Variants in EXT2 observed in about 807,000 individuals in gnomAD.
The protein encoded by EXT2 is exostosin-2.
EXT2 carries 53 observed loss-of-function variants against 81.6 expected under a neutral mutation model. That is an observed-to-expected ratio of 0.65 (90% confidence interval 0.52 to 0.82). EXT2 has a LOEUF of 0.82. EXT2 is among the 40% of genes least tolerant of loss of function. The pLI, the probability that EXT2 is intolerant of heterozygous loss-of-function variation, is 0.00. For synonymous variants in EXT2, 320 were observed against 340.0 expected, an observed-to-expected ratio of 0.94 and a Z score of 0.65; for missense variants, 774 against 910.2, an observed-to-expected ratio of 0.85 and a Z score of 1.93.
Position 44,240,261 on chromosome 11 carries a change from AAG to A in EXT2, c.2019-3885_2019-3884del, listed in dbSNP as rs1171375179. Among the ~76,000 whole-genome samples, 15 of 152,344 alleles carry A rather than the reference AAG, an allele frequency of 9.8e-5. 1 individual carries two copies. The South Asian group carries it at 1.9e-3, about 19-fold the overall frequency. Reference sequence around the variant, plus strand: ...GAAATTCTGGCATTTAGGAGACACAAAGAGTAACTGAAAACAGAGAGGCAACC... The same window carrying A: ...GAAATTCTGGCATTTAGGAGACACAAAGTAACTGAAAACAGAGAGGCAACC... On this transcript the variant is annotated intron_variant, in intron 13 of 13. Coordinates refer to ENST00000533608, the MANE Select transcript of EXT2 (RefSeq NM_207122.2).
chr11:44,147,127 C>G (rs748359243), intron 7 of EXT2, among the ~76,000 whole-genome samples: 9 of 152,178 alleles, frequency 5.9e-5, no homozygotes, highest in Non-Finnish European at 1.2e-4. Flanking sequence ...TAGATCAACC[C>G]GCCCCAGCAC....
intron 10 of EXT2, among the ~76,000 whole-genome samples, chr11:44,210,444 C>A (rs1955634381): frequency 6.6e-6 from 1 of 152,188 alleles, no homozygotes; most frequent in Admixed American, 6.5e-5. Flanking sequence ...CTGGAAAGTA[C>A]AAACTAACCC....
At position 44,197,832 on chromosome 11, in the gene EXT2, TG is replaced by T; in HGVS notation, c.1313del (p.Gly438AlafsTer3). The part of the protein sequence containing the change: ...EEWNDPPAVK[W>X]GSVSNPLFLP... ...GTGTTAATCTGTCCTCTTGTAGAAG[TG>T]GGGCAGCGTGAGCAATCCACTCTTC... On this transcript the variant is annotated frameshift_variant, in exon 9 of 14. Coordinates refer to ENST00000533608, the MANE Select transcript of EXT2 (RefSeq NM_207122.2). LOFTEE classifies it high-confidence loss of function. The T allele has an allele frequency of 6.2e-7, 1 of 1,613,964 alleles. No homozygotes were observed. The highest frequency in any genetic ancestry group is 8.5e-7 in the Non-Finnish European group (1 of 1,179,934).
intron 1 of EXT2, chr11:44,096,288 G>T (rs1302789762): frequency 2.6e-6 from 4 of 1,535,948 alleles, no homozygotes; most frequent in South Asian, 1.2e-5. Context: ...GTGGCCTGCG[G>T]CATCCCTTGC....
At chr11:44,164,026 T>C (rs1422512430) in intron 7 of EXT2, among the ~76,000 whole-genome samples, 1 of 152,190 alleles carries the variant, frequency 6.6e-6, no homozygotes, top group East Asian at 1.9e-4. Flanking sequence ...TACTCTGTTT[T>C]AGATTTTTCC....
chr11:44,095,947 G>T, intron 1 of EXT2, 95 bp downstream of exon 1: 1 of 411,664 alleles, frequency 2.4e-6, no homozygotes, highest in Non-Finnish European at 4.6e-6. Context: ...AGGGCCGAGG[G>T]AGCGCGGCCG....
chr11:44,207,515 A>G (rs1423219358), intron 10 of EXT2, among the ~76,000 whole-genome samples: 1 of 152,200 alleles, frequency 6.6e-6, no homozygotes, highest in African/African-American at 2.4e-5. Context: ...CCCAGGGGAA[A>G]GTGCCAGAGT....
rs548092616 is a variant in EXT2, at chr11:44,099,241, A to G, written c.-31+3389A>G. Among the ~76,000 whole-genome samples, 6 of 152,180 alleles carry G rather than the reference A, an allele frequency of 3.9e-5. No individual in the cohort carries two copies. In the South Asian group the frequency reaches 1.2e-3, roughly 32 times the overall value. On this transcript the variant is annotated intron_variant, in intron 1 of 13. Coordinates refer to ENST00000533608, the MANE Select transcript of EXT2 (RefSeq NM_207122.2). ...CGCACTTTCATCCAGGCTAGACTGC[A>G]GTGGCGCGATCTCGGTTCACTGCAA...
At chr11:44,232,039 G>T (rs1453614671) in intron 10 of EXT2, among the ~76,000 whole-genome samples, 1 of 152,124 alleles carries the variant, frequency 6.6e-6, no homozygotes, top group African/African-American at 2.4e-5. Flanking sequence ...ATTAAGAATG[G>T]AACCTATTTC....
intron 10 of EXT2, among the ~76,000 whole-genome samples, chr11:44,218,070 G>T (rs1955740166): frequency 6.6e-6 from 1 of 152,090 alleles, no homozygotes; most frequent in Non-Finnish European, 1.5e-5. Context: ...TTACAACCTG[G>T]GCATCTTGTA....
At chr11:44,117,157 C>T (rs187265257) in intron 4 of EXT2, among the ~76,000 whole-genome samples, 23 of 152,090 alleles carry the variant, frequency 1.5e-4, no homozygotes, top group African/African-American at 5.1e-4. Context: ...TTTGCAGAGA[C>T]GGGGTTTCTC....
intron 9 of EXT2, among the ~76,000 whole-genome samples, chr11:44,198,585 G>A (rs1275218339): frequency 1.3e-5 from 2 of 152,130 alleles, no homozygotes; most frequent in East Asian, 3.8e-4. Context: ...TTGATTCATT[G>A]GATTTGTTTT....
At chr11:44,202,186 A>G (rs1955529835) in intron 9 of EXT2, among the ~76,000 whole-genome samples, 1 of 152,164 alleles carries the variant, frequency 6.6e-6, no homozygotes, top group Non-Finnish European at 1.5e-5. Flanking sequence ...CTGGGTCTTC[A>G]TTGTTCTCTA....
chr11:44,168,210 AT>A (rs1389513003), intron 7 of EXT2, among the ~76,000 whole-genome samples: 1 of 98,130 alleles, frequency 1.0e-5, no homozygotes, highest in Non-Finnish European at 2.5e-5. Flanking sequence ...AATTTAATAC[AT>A]GGGTTTAATA....
At chr11:44,113,986 G>A (rs1045613949) in intron 3 of EXT2, among the ~76,000 whole-genome samples, 199 bp from the exon 4 acceptor site, 1 of 152,038 alleles carries the variant, frequency 6.6e-6, no homozygotes, top group African/African-American at 2.4e-5. Flanking sequence ...GACCCCGGGG[G>A]AAGGCTGGTG....
At chr11:44,127,086 A>G (rs1354951596) in intron 6 of EXT2, 131 bp downstream of exon 6, 1 of 1,242,678 alleles carries the variant, frequency 8.0e-7, no homozygotes, top group Non-Finnish European at 1.2e-6. Context: ...ATTTTCCATT[A>G]GGAGAGTTAG....
chr11:44,249,959 A>G lies in EXT2; in HGVS notation c.*5672A>G, dbSNP rs1021869856. On this transcript the variant is annotated 3_prime_UTR_variant, in exon 14 of 14. Transcript: ENST00000533608. ...GTGGCAGGCACCTGTAGCCCCAGCTACTCGGGAGGCTGAGGCAGGAGAATG... is the reference window on the plus strand; with the variant it reads ...GTGGCAGGCACCTGTAGCCCCAGCTGCTCGGGAGGCTGAGGCAGGAGAATG... Among the ~76,000 whole-genome samples, 1 of 152,158 alleles carries G rather than the reference A, an allele frequency of 6.6e-6. No homozygotes were observed. Among genetic ancestry groups the G allele is most frequent in the Admixed American group, 6.5e-5 (1 of 15,274 alleles).
intron 10 of EXT2, among the ~76,000 whole-genome samples, chr11:44,214,124 CTT>C (rs555767259): frequency 7.5e-6 from 1 of 133,468 alleles, no homozygotes; most frequent in Non-Finnish European, 1.7e-5. Context: ...TCTTCTTCTT[CTT>C]TTTTTTTGAG....
chr11:44,168,185 A>G lies in EXT2; in HGVS notation c.1174-3426A>G, dbSNP rs182640797. Among the ~76,000 whole-genome samples the G allele has an allele frequency of 4.6e-3, 690 of 148,742 alleles. 4 individuals carry two copies. Among genetic ancestry groups the G allele is most frequent in the African/African-American group, 0.016 (640 of 40,268 alleles). ...TGGAAATTCTGGAACTGAAAAATAT[A>G]GGAATGAAATTAAGAATTTAATACA... On this transcript the variant is annotated intron_variant, in intron 7 of 13. Coordinates refer to ENST00000533608, the MANE Select transcript of EXT2 (RefSeq NM_207122.2).
Sources: gnomAD v4.1 joint callset for allele counts (sites outside exome capture counted in the v4.1 genomes callset) on GRCh38, gnomAD v4.1.1 for gene constraint, MANE v1.5 for transcripts, NCBI Gene and HGNC (gene_info 2026-07-23, HGNC 2026-07-21) for gene names.